Variants in GFRA1 observed in about 807,000 individuals in gnomAD.
The protein encoded by GFRA1 is GDNF family receptor alpha-1.
In GFRA1, 16 loss-of-function variants were observed where a neutral mutation model predicts 51.6. That is an observed-to-expected ratio of 0.31 (90% CI 0.21 to 0.47). GFRA1 has a LOEUF of 0.47. GFRA1 is among the 20% of genes least tolerant of loss of function. The pLI, the probability that GFRA1 is intolerant of heterozygous loss-of-function variation, is 1.00. For missense variants in GFRA1, 530 were observed against 594.3 expected (o/e 0.89, Z 1.13); for synonymous variants, 270 against 241.3 (o/e 1.12, Z -1.10).
At chr10:116,159,785 T>C (rs1404548409) in intron 5 of GFRA1, among the ~76,000 whole-genome samples, 2 of 152,136 alleles carry the variant, frequency 1.3e-5, no homozygotes, top group East Asian at 3.9e-4. Flanking sequence ...ACACAGAGGT[T>C]TGAAGGGATA....
chr10:116,174,527 C>G (rs1961389147), intron 5 of GFRA1, among the ~76,000 whole-genome samples: 1 of 152,182 alleles, frequency 6.6e-6, no homozygotes, highest in East Asian at 1.9e-4. Flanking sequence ...TATAAAACTC[C>G]ATAATGACCT....
At chr10:116,175,251 T>C (rs1961472949) in intron 5 of GFRA1, among the ~76,000 whole-genome samples, 1 of 152,170 alleles carries the variant, frequency 6.6e-6, no homozygotes, top group Admixed American at 6.5e-5. Flanking sequence ...GTGTCTGTTC[T>C]GTGCCTAGTG....
At chr10:116,080,861 A>C (rs1459468117) in intron 9 of GFRA1, among the ~76,000 whole-genome samples, 7 of 152,206 alleles carry the variant, frequency 4.6e-5, no homozygotes, top group Non-Finnish European at 7.3e-5. Context: ...CAATGATTCA[A>C]TCAATAGTGC....
At chr10:116,264,510 T>A (rs760905591) in intron 4 of GFRA1, among the ~76,000 whole-genome samples, 69 of 152,216 alleles carry the variant, frequency 4.5e-4, no homozygotes, top group Non-Finnish European at 8.8e-5. Flanking sequence ...CCTCTTGATA[T>A]GCTGTGATTA....
chr10:116,254,508 T>C (rs900561295), intron 4 of GFRA1, among the ~76,000 whole-genome samples: 3 of 145,722 alleles, frequency 2.1e-5, no homozygotes, highest in African/African-American at 7.6e-5. Context: ...CTGACTCTAT[T>C]AAAAAAAAAA....
intron 9 of GFRA1, among the ~76,000 whole-genome samples, chr10:116,076,929 C>T (rs1225623988): frequency 6.6e-6 from 1 of 152,132 alleles, no homozygotes; most frequent in Non-Finnish European, 1.5e-5. Context: ...CTCCCAGATG[C>T]TATAATATAT....
intron 9 of GFRA1, among the ~76,000 whole-genome samples, chr10:116,087,241 C>T (rs1293147096): frequency 2.1e-5 from 3 of 144,080 alleles, no homozygotes; most frequent in African/African-American, 7.8e-5. Context: ...CTGCACTGTA[C>T]CACGGGGAGC....
At chr10:116,181,096 G>A (rs1962172154) in intron 5 of GFRA1, among the ~76,000 whole-genome samples, 1 of 152,104 alleles carries the variant, frequency 6.6e-6, no homozygotes, top group African/African-American at 2.4e-5. Context: ...TAAGCCTACT[G>A]GACTCCATTT....
At chr10:116,110,394 C>A (rs1247497855) in intron 6 of GFRA1, among the ~76,000 whole-genome samples, 1 of 152,120 alleles carries the variant, frequency 6.6e-6, no homozygotes, top group Non-Finnish European at 1.5e-5. Context: ...GCCTGCAGGG[C>A]AGCTGGGGTT....
chr10:116,076,602 C>T (rs566436575), intron 9 of GFRA1, among the ~76,000 whole-genome samples: 97 of 152,268 alleles, frequency 6.4e-4, no homozygotes, highest in Non-Finnish European at 7.9e-4. Context: ...GGTAATGGGC[C>T]GTGAACCCCA....
chr10:116,269,055 C>T lies in GFRA1; in HGVS notation c.418+448G>A, dbSNP rs1032774877. Among the ~76,000 whole-genome samples, 21 of 152,280 alleles carry T rather than the reference C, an allele frequency of 1.4e-4. 1 individual carries two copies. Among genetic ancestry groups the T allele is most frequent in the Admixed American group, 1.2e-3 (19 of 15,296 alleles). The stretch of plus-strand genomic sequence containing the variant: ...ATCAAAGGCAGACAAGTGAATTCAT[C>T]CCAAATTTTTCAACAATCTAAGATT... On this transcript the variant is annotated intron_variant, in intron 4 of 10. Transcript: ENST00000355422.
At chr10:116,155,378 C>G (rs1476842530) in intron 5 of GFRA1, among the ~76,000 whole-genome samples, 1 of 152,058 alleles carries the variant, frequency 6.6e-6, no homozygotes, top group Non-Finnish European at 1.5e-5. Context: ...AAGAAGCAAG[C>G]AGCTGATGCC....
intron 4 of GFRA1, among the ~76,000 whole-genome samples, chr10:116,241,532 T>C (rs1033196730): frequency 3.3e-5 from 5 of 152,208 alleles, no homozygotes; most frequent in African/African-American, 1.2e-4. Flanking sequence ...TGAGCATTAA[T>C]ACATATTGCC....
At chr10:116,124,823 A>G (rs1054787062) in intron 6 of GFRA1, among the ~76,000 whole-genome samples, 6 of 152,088 alleles carry the variant, frequency 3.9e-5, no homozygotes, top group African/African-American at 1.4e-4. Context: ...CTGAAGGTCA[A>G]AAGCCTCCAA....
intron 5 of GFRA1, among the ~76,000 whole-genome samples, chr10:116,171,234 G>A (rs1020766306): frequency 6.6e-6 from 1 of 152,176 alleles, no homozygotes; most frequent in African/African-American, 2.4e-5. Flanking sequence ...ATGAAAAAGG[G>A]TTAATTATGC....
intron 4 of GFRA1, among the ~76,000 whole-genome samples, chr10:116,221,513 C>G (rs1302814006): frequency 6.6e-6 from 1 of 152,130 alleles, no homozygotes; most frequent in Non-Finnish European, 1.5e-5. Flanking sequence ...CAACCTCTCT[C>G]TCCCAGGTTC....
At chr10:116,117,823 A>T (rs979196678) in intron 6 of GFRA1, among the ~76,000 whole-genome samples, 16 of 152,118 alleles carry the variant, frequency 1.1e-4, no homozygotes, top group Admixed American at 1.0e-3. Flanking sequence ...TATGTACTAA[A>T]TTGTGTCCCT....
intron 5 of GFRA1, among the ~76,000 whole-genome samples, chr10:116,140,286 G>A (rs949959508): frequency 2.0e-5 from 3 of 152,186 alleles, no homozygotes; most frequent in East Asian, 3.9e-4. Context: ...GGAGGGCAAG[G>A]CTTTCTCAGA....
chr10:116,113,654 T>C (rs1399831637), intron 6 of GFRA1, among the ~76,000 whole-genome samples: 1 of 152,152 alleles, frequency 6.6e-6, no homozygotes, highest in African/African-American at 2.4e-5. Flanking sequence ...TTCGGCAACA[T>C]GAGCTCCGCA....
Sources: allele counts gnomAD v4.1 joint callset (sites outside exome capture counted in the v4.1 genomes callset), GRCh38; gene constraint gnomAD v4.1.1; transcripts MANE v1.5; gene names NCBI Gene and HGNC (gene_info 2026-07-23, HGNC 2026-07-21).